Variants in PRKN observed in about 807,000 individuals in gnomAD.
PRKN encodes the protein E3 ubiquitin-protein ligase parkin.
PRKN carries 56 observed loss-of-function variants against 59.5 expected under a neutral mutation model. The ratio of observed to expected loss-of-function variants is 0.94; its 90% CI spans 0.76 to 1.18. The LOEUF (loss-of-function observed/expected upper bound fraction) is 1.18, where lower values mean the gene tolerates loss of function less well. Ranked by LOEUF, PRKN falls within the 50% of genes most tolerant of loss-of-function variation. The pLI is 0.00. For missense variants in PRKN, 657 were observed against 596.4 expected, an observed-to-expected ratio of 1.10 and a Z score of -1.06; for synonymous variants, 250 against 222.1, an observed-to-expected ratio of 1.13 and a Z score of -1.12.
chr6:161,633,576 G>A (rs1582919830), intron 7 of PRKN, among the ~76,000 whole-genome samples: 1 of 152,182 alleles, frequency 6.6e-6, no homozygotes, highest in East Asian at 1.9e-4. Flanking sequence ...TCATACTGTG[G>A]ATATTAAATA....
In PRKN at chr6:161,579,272, T is replaced by C. The variant is rs1228134963; in HGVS notation, c.872-9856A>G. 6.6e-6 allele frequency among the ~76,000 whole-genome samples: 1 copy of C among 152,222 alleles called. No homozygotes were observed. The highest frequency in any genetic ancestry group is 1.5e-5 in the Non-Finnish European group (1 of 68,034). On this transcript the variant is annotated intron_variant, in intron 7 of 11. Transcript: ENST00000366898. This position sits in a 1 kb window ranked among gnomAD's most constrained non-coding sequence, Gnocchi z 4.2. The stretch of plus-strand genomic sequence containing the variant: ...TTGGGGGAAAGAGAATCTGTGGGAC[T>C]GTCATCCCCCAAGTGGGTGTAACCA...
chr6:162,296,986 A>T (rs556726890), intron 2 of PRKN, among the ~76,000 whole-genome samples: 1 of 152,160 alleles, frequency 6.6e-6, no homozygotes, highest in East Asian at 1.9e-4. Flanking sequence ...GTCCAATCAT[A>T]CTTCTACAAG....
chr6:162,441,566 GAAC>G (rs1206079647), intron 2 of PRKN, among the ~76,000 whole-genome samples: 2 of 152,070 alleles, frequency 1.3e-5, no homozygotes, highest in Non-Finnish European at 2.9e-5. Flanking sequence ...CTATTAGGTT[GAAC>G]AACATGAAAT....
At chr6:162,114,763 A>G (rs1780594141) in intron 4 of PRKN, among the ~76,000 whole-genome samples, 1 of 151,686 alleles carries the variant, frequency 6.6e-6, no homozygotes, top group Non-Finnish European at 1.5e-5. Flanking sequence ...ATCACTGGCC[A>G]TCAGAGAAAT....
chr6:161,990,228 C>T (rs1452370453), intron 5 of PRKN, among the ~76,000 whole-genome samples: 2 of 152,198 alleles, frequency 1.3e-5, no homozygotes, highest in Non-Finnish European at 2.9e-5. Flanking sequence ...TCACTGCAAC[C>T]TCTACTAACA....
intron 7 of PRKN, among the ~76,000 whole-genome samples, chr6:161,595,984 G>A (rs1376960572): frequency 4.6e-5 from 7 of 152,182 alleles, no homozygotes; most frequent in Non-Finnish European, 1.5e-5. Context: ...ATGTTGTCCT[G>A]TGGAGTGGCC....
In PRKN at chr6:162,727,720, C is replaced by G. The variant is rs1308078443; in HGVS notation, c.-52G>C. The G allele has an allele frequency of 6.5e-6, 10 of 1,544,094 alleles. No homozygotes were observed. Among genetic ancestry groups the G allele is most frequent in the Non-Finnish European group, 8.8e-6 (10 of 1,141,596 alleles). ...GCCAGGAACAGGCCCATGCGCGCAG[C>G]GGCGCCAGCCGCGCCTCCCACCAGC... is the stretch of plus-strand genomic sequence containing the variant. On this transcript the variant is annotated 5_prime_UTR_variant, in exon 1 of 12. Coordinates refer to ENST00000366898, the MANE Select transcript of PRKN (RefSeq NM_004562.3).
At chr6:161,815,334 G>A (rs1377894152) in intron 6 of PRKN, among the ~76,000 whole-genome samples, 3 of 152,114 alleles carry the variant, frequency 2.0e-5, no homozygotes, top group African/African-American at 7.2e-5. Context: ...AAACATTCAG[G>A]TATACAAAGT....
At chr6:162,375,950 T>C (rs1368048795) in intron 2 of PRKN, among the ~76,000 whole-genome samples, 1 of 152,130 alleles carries the variant, frequency 6.6e-6, no homozygotes, top group Admixed American at 6.6e-5. Context: ...TCTGGGAATG[T>C]GTACACACTC....
intron 4 of PRKN, among the ~76,000 whole-genome samples, chr6:162,167,573 C>T (rs1019441372): frequency 2.7e-5 from 4 of 150,332 alleles, no homozygotes; most frequent in Non-Finnish European, 4.4e-5. Context: ...TTGGCTAAAG[C>T]GAGCTTTGGA....
At chr6:161,653,621 A>G (rs1421025662) in intron 7 of PRKN, among the ~76,000 whole-genome samples, 1 of 152,224 alleles carries the variant, frequency 6.6e-6, no homozygotes. Flanking sequence ...CCATTTAGGA[A>G]TAACTAGTTC....
rs1219969401 is a variant in PRKN at position 161,572,062 on chromosome 6, G to A, written c.872-2646C>T. 6.6e-5 allele frequency among the ~76,000 whole-genome samples: 10 copies of A among 152,144 alleles called. No homozygotes were observed. The East Asian group carries it at 1.7e-3, about 27-fold the overall frequency. Reference sequence around the variant, plus strand: ...CTTGCAGATGGCAGATTGCAGGACTGCTTGGCCGCCATAATTGTGTGAGCC... The same window carrying A: ...CTTGCAGATGGCAGATTGCAGGACTACTTGGCCGCCATAATTGTGTGAGCC... On this transcript the variant is annotated intron_variant, in intron 7 of 11. Coordinates refer to ENST00000366898, the MANE Select transcript of PRKN (RefSeq NM_004562.3).
At chr6:162,716,540 T>C (rs1400529902) in intron 1 of PRKN, among the ~76,000 whole-genome samples, 2 of 152,222 alleles carry the variant, frequency 1.3e-5, no homozygotes, top group African/African-American at 2.4e-5. Flanking sequence ...TCATCTGTTA[T>C]GTGAAGTGGT....
chr6:161,589,242 G>A (rs1457459531), intron 7 of PRKN, among the ~76,000 whole-genome samples: 1 of 152,228 alleles, frequency 6.6e-6, no homozygotes, highest in African/African-American at 2.4e-5. Context: ...GAGAGCGCCT[G>A]TGCTTCAGGG....
intron 6 of PRKN, among the ~76,000 whole-genome samples, chr6:161,944,019 T>TGAGGAAG (rs1562407531): frequency 3.0e-4 from 28 of 94,558 alleles, no homozygotes; most frequent in African/African-American, 1.0e-3. Context: ...GCCTGAGGGA[T>TGAGGAAG]CAGCCTGAGG....
intron 11 of PRKN, among the ~76,000 whole-genome samples, chr6:161,350,614 AT>A (rs1324810861): frequency 8.5e-6 from 1 of 117,634 alleles, no homozygotes; most frequent in Non-Finnish European, 1.6e-5. Context: ...TATATTTAAA[AT>A]ATATATATTT....
rs192339444 is a variant in PRKN at position 161,842,180 on chromosome 6, G to A, written c.735-56272C>T. On this transcript the variant is annotated intron_variant, in intron 6 of 11. Transcript: ENST00000366898. ...AACATAAAGCATATAAGAGAGAAGT[G>A]TTTCCTGGGTGATCCAAATTAAAAA... 1.1e-4 allele frequency among the ~76,000 whole-genome samples: 17 copies of A among 152,172 alleles called. No homozygotes were observed. In the East Asian group the frequency reaches 3.1e-3, roughly 28 times the overall value.
chr6:161,902,190 A>G (rs1175899314), intron 6 of PRKN, among the ~76,000 whole-genome samples: 1 of 152,062 alleles, frequency 6.6e-6, no homozygotes, highest in East Asian at 1.9e-4. Context: ...CTTTCCAGCA[A>G]TGCGTCAGGG....
Position 161,600,570 on chromosome 6 carries a change from G to A in PRKN, c.872-31154C>T, listed in dbSNP as rs564252333. Among the ~76,000 whole-genome samples the A allele has an allele frequency of 1.1e-4, 16 of 152,064 alleles. No homozygotes were observed. The South Asian group carries it at 1.7e-3, about 16-fold the overall frequency. ...ACTAGTTAGTTAGTTAATATACTCC[G>A]TATACAATATACTCTAGAAAATTAC... On this transcript the variant is annotated intron_variant, in intron 7 of 11. Coordinates refer to ENST00000366898, the MANE Select transcript of PRKN (RefSeq NM_004562.3).
Sources: gnomAD v4.1 joint callset for allele counts (sites outside exome capture counted in the v4.1 genomes callset) on GRCh38, gnomAD v4.1.1 for gene constraint, Gnocchi (gnomAD v3.1) non-coding constraint, MANE v1.5 for transcripts, NCBI Gene and HGNC (gene_info 2026-07-23, HGNC 2026-07-21) for gene names.